LRP1B: variants seen among roughly 807,000 people sequenced by gnomAD.
LRP1B encodes the protein low-density lipoprotein receptor-related protein 1B.
LRP1B carries 217 observed loss-of-function variants against 556.6 expected under a neutral mutation model. The ratio of observed to expected loss-of-function variants is 0.39; its 90% confidence interval spans 0.35 to 0.44. The LOEUF (loss-of-function observed/expected upper bound fraction) is 0.44. LRP1B is among the 20% of genes least tolerant of loss of function. The pLI is 1.00. For missense variants in LRP1B, 5,053 were observed against 5,620.8 expected, an observed-to-expected ratio of 0.90 and a Z score of 3.23; for synonymous variants, 2,047 against 1,865.8, an observed-to-expected ratio of 1.10 and a Z score of -2.50.
intron 11 of LRP1B, among the ~76,000 whole-genome samples, chr2:141,044,221 A>G (rs1310239391): frequency 2.0e-5 from 3 of 151,718 alleles, no homozygotes; most frequent in African/African-American, 7.3e-5. Context: ...AGCCGTATGT[A>G]GAAAGCTGAA....
chr2:141,954,059 G>A (rs1027641438), intron 1 of LRP1B, among the ~76,000 whole-genome samples: 29 of 151,820 alleles, frequency 1.9e-4, no homozygotes, highest in African/African-American at 5.3e-4. Flanking sequence ...TCTCTCTCTC[G>A]GCACAAGCAA....
chr2:142,130,087 G>A (rs569687103), intron 1 of LRP1B, among the ~76,000 whole-genome samples: 1 of 152,240 alleles, frequency 6.6e-6, no homozygotes, highest in East Asian at 1.9e-4. Context: ...GCCCGGAATC[G>A]TCCTAAAAGC....
At chr2:140,978,859 C>G (rs1267247321) in intron 18 of LRP1B, among the ~76,000 whole-genome samples, 1 of 152,170 alleles carries the variant, frequency 6.6e-6, no homozygotes, top group Non-Finnish European at 1.5e-5. Context: ...CGCTAGTTTA[C>G]CGATACTCTG....
intron 7 of LRP1B, among the ~76,000 whole-genome samples, chr2:141,095,650 T>A (rs1481173061): frequency 6.6e-6 from 1 of 152,082 alleles, no homozygotes; most frequent in Non-Finnish European, 1.5e-5. Flanking sequence ...ATTATTTTTT[T>A]ATATATATCC....
intron 3 of LRP1B, among the ~76,000 whole-genome samples, chr2:141,309,150 C>T (rs1030032920): frequency 3.3e-5 from 5 of 152,144 alleles, no homozygotes; most frequent in Admixed American, 2.6e-4. Context: ...TTTTCATTGC[C>T]TCTGCCTTGT....
intron 79 of LRP1B, among the ~76,000 whole-genome samples, chr2:140,330,571 CTT>C (rs750920907): frequency 2.0e-4 from 30 of 151,700 alleles, no homozygotes; most frequent in Non-Finnish European, 3.4e-4. Flanking sequence ...CAAAAATTAA[CTT>C]AATATAGATT....
chr2:141,604,079 CAATT>C (rs1687837847), intron 2 of LRP1B, among the ~76,000 whole-genome samples: 1 of 151,986 alleles, frequency 6.6e-6, no homozygotes, highest in Admixed American at 6.5e-5. Flanking sequence ...ACAAAACAAA[CAATT>C]AAGAAACAAC....
At chr2:140,553,225 G>T (rs895636805) in intron 43 of LRP1B, among the ~76,000 whole-genome samples, 3 of 151,798 alleles carry the variant, frequency 2.0e-5, no homozygotes, top group African/African-American at 4.8e-5. Context: ...TGGTAATGTG[G>T]TAAATCAGTA....
chr2:140,609,724 T>C (rs530699740), intron 41 of LRP1B, among the ~76,000 whole-genome samples: 170 of 152,334 alleles, frequency 1.1e-3, no homozygotes, highest in African/African-American at 4.0e-3. Flanking sequence ...AAAACGTATG[T>C]TGAGTGTTTC....
intron 7 of LRP1B, among the ~76,000 whole-genome samples, chr2:141,087,495 T>C (rs1320395405): frequency 1.3e-5 from 2 of 152,186 alleles, no homozygotes; most frequent in African/African-American, 2.4e-5. Context: ...TTCAGGTTAA[T>C]CCAACCTCCA....
intron 1 of LRP1B, among the ~76,000 whole-genome samples, chr2:142,045,162 A>G (rs1419408723): frequency 2.6e-5 from 4 of 151,314 alleles, no homozygotes; most frequent in Non-Finnish European, 4.4e-5. Flanking sequence ...AAAAACAACA[A>G]CAAAAAAGGA....
chr2:141,182,242 T>C (rs1366044885), intron 7 of LRP1B, among the ~76,000 whole-genome samples: 1 of 152,012 alleles, frequency 6.6e-6, no homozygotes, highest in African/African-American at 2.4e-5. Context: ...TCTAGACAGA[T>C]GAAAGAAACA....
rs117363217 is a variant in LRP1B at position 140,877,509 on chromosome 2, A to G, written c.4169+6308T>C. ...GAAAAGGCGGGAAATGTGAAAGAAA[A>G]ATAAATATTGAGGCCCCCAAATCAC... On this transcript the variant is annotated intron_variant, in intron 25 of 90. Transcript: ENST00000389484. Among the ~76,000 whole-genome samples the G allele has an allele frequency of 1.4e-3, 219 of 152,290 alleles. 4 individuals carry two copies. The East Asian group carries it at 0.035, about 24-fold the overall frequency.
At chr2:141,767,273 A>C (rs1558862217) in intron 2 of LRP1B, among the ~76,000 whole-genome samples, 1 of 152,068 alleles carries the variant, frequency 6.6e-6, no homozygotes, top group Non-Finnish European at 1.5e-5. Context: ...TAAGGAGCTA[A>C]AGTATTAAGC....
chr2:140,748,301 C>CATATATTATATTCATATATAAT (rs70988424), intron 35 of LRP1B, among the ~76,000 whole-genome samples: 26,228 of 107,450 alleles, frequency 0.24, 4,284 homozygotes, highest in South Asian at 0.35. Context: ...TATATATATT[C>CATATATTATATTCATATATAAT]ATATATTATA....
intron 72 of LRP1B, among the ~76,000 whole-genome samples, chr2:140,361,341 CATATAT>C (rs67208978): frequency 0.024 from 726 of 30,726 alleles, 28 homozygotes; most frequent in African/African-American, 0.052. Context: ...ACTTGGAAAG[CATATAT>C]ATATATATAT....
At chr2:141,651,910 C>T (rs1406680372) in intron 2 of LRP1B, among the ~76,000 whole-genome samples, 1 of 152,036 alleles carries the variant, frequency 6.6e-6, no homozygotes, top group Non-Finnish European at 1.5e-5. Context: ...AAGTATATAT[C>T]TCAGTTGAAA....
chr2:141,570,961 C>A (rs1259220552), intron 2 of LRP1B, among the ~76,000 whole-genome samples: 1 of 151,344 alleles, frequency 6.6e-6, no homozygotes, highest in Non-Finnish European at 1.5e-5. Context: ...GACCAGCTGA[C>A]TTAGCCTCTC....
intron 2 of LRP1B, among the ~76,000 whole-genome samples, chr2:141,668,226 C>T (rs959660006): frequency 6.6e-6 from 1 of 152,132 alleles, no homozygotes; most frequent in Non-Finnish European, 1.5e-5. Flanking sequence ...AATGTCCTCA[C>T]CCCTCTTCTA....
Sources: gnomAD v4.1 joint callset for allele counts (sites outside exome capture counted in the v4.1 genomes callset) on GRCh38, gnomAD v4.1.1 for gene constraint, MANE v1.5 for transcripts, NCBI Gene and HGNC (gene_info 2026-07-23, HGNC 2026-07-21) for gene names.